DOCK7: variants seen among roughly 807,000 people sequenced by gnomAD.
The protein encoded by DOCK7 is dedicator of cytokinesis 7, also known as dedicator of cytokinesis protein 7.
DOCK7 carries 138 observed loss-of-function variants against 271.0 expected under a neutral mutation model. The observed-to-expected ratio is 0.51, with a 90% CI of 0.44 to 0.59. The LOEUF is 0.59. Ranked by LOEUF, DOCK7 falls within the 20% of genes least tolerant of loss-of-function variation. The pLI is 0.00. For synonymous variants in DOCK7, 823 were observed against 876.1 expected, an observed-to-expected ratio of 0.94 and a Z score of 1.07; for missense variants, 2,066 against 2,592.4, an observed-to-expected ratio of 0.80 and a Z score of 4.41.
rs1418868275 is a variant in DOCK7, at chr1:62,528,320, T to A, written c.3782-15A>T. ...ATTGTGAGTTTCTAAAGAAAAATAATCCAAAAAAATAAATAAAACTGTTTA... is the reference window on the plus strand; with the variant it reads ...ATTGTGAGTTTCTAAAGAAAAATAAACCAAAAAAATAAATAAAACTGTTTA... On this transcript the variant is annotated splice_polypyrimidine_tract_variant and intron_variant, in intron 30 of 49. Coordinates refer to ENST00000635253, the MANE Select transcript of DOCK7 (RefSeq NM_001367561.1). The A allele has an allele frequency of 1.3e-6, 2 of 1,597,312 alleles. No individual in the cohort carries two copies. The highest frequency in any genetic ancestry group is 1.7e-5 in the Admixed American group (1 of 57,914).
chr1:62,662,347 A>C (rs1330069240), intron 2 of DOCK7, among the ~76,000 whole-genome samples: 1 of 152,224 alleles, frequency 6.6e-6, no homozygotes, highest in African/African-American at 2.4e-5. Context: ...TAATAATTCA[A>C]TAAATATAAA....
chr1:62,638,641 AT>A (rs1305145605), intron 7 of DOCK7, among the ~76,000 whole-genome samples: 5 of 147,336 alleles, frequency 3.4e-5, no homozygotes, highest in South Asian at 2.2e-4. Context: ...GAATATATAT[AT>A]TTTTTCATGA....
chr1:62,513,423 G>C (rs1443219910), intron 33 of DOCK7, 21 bp downstream of exon 33: 1 of 1,578,516 alleles, frequency 6.3e-7, no homozygotes, highest in Admixed American at 2.0e-5. Flanking sequence ...TACAACTCAA[G>C]GAAATTGAAG....
intron 14 of DOCK7, among the ~76,000 whole-genome samples, chr1:62,600,561 A>T (rs1649963232): frequency 6.6e-6 from 1 of 151,842 alleles, no homozygotes; most frequent in East Asian, 1.9e-4. Context: ...ACTAACGATA[A>T]ACTACTGAAT....
At chr1:62,561,125 G>A (rs532415111) in intron 19 of DOCK7, among the ~76,000 whole-genome samples, 62 of 152,110 alleles carry the variant, frequency 4.1e-4, no homozygotes, top group Non-Finnish European at 7.2e-4. Flanking sequence ...AACCATGGAA[G>A]GCCTCTCTGA....
chr1:62,528,234 T>C lies in DOCK7; in HGVS notation c.3853A>G (p.Ile1285Val), dbSNP rs1198462552. Residue 1285 changes from isoleucine to valine, a missense_variant, in exon 31 of 50, where the codon ATA becomes GTA. Around this residue, in one of 2 missense-constraint regions of DOCK7, gnomAD observed 1,414 missense variants for 1,670.4 expected, o/e 0.85. Coordinates refer to ENST00000635253, the MANE Select transcript of DOCK7 (RefSeq NM_001367561.1). ...ATTGCCATGGCAACGGTCTGGCTTA[T>C]CATACTTCCGCTCTCACTTTCATAA... ...DDYESESGSM[I>V]SQTVAMAIAG... 1.2e-6 allele frequency: 2 copies of C among 1,613,874 alleles called. No individual in the cohort carries two copies. Among genetic ancestry groups the C allele is most frequent in the Non-Finnish European group, 1.7e-6 (2 of 1,179,868 alleles).
intron 1 of DOCK7, among the ~76,000 whole-genome samples, chr1:62,669,390 A>C (rs1659677099): frequency 6.6e-6 from 1 of 152,222 alleles, no homozygotes; most frequent in Non-Finnish European, 1.5e-5. Flanking sequence ...AGTACAGTGA[A>C]GTATCAAGAA....
chr1:62,556,317 G>C (rs913884017), intron 20 of DOCK7, among the ~76,000 whole-genome samples: 1 of 151,794 alleles, frequency 6.6e-6, no homozygotes, highest in South Asian at 2.1e-4. Flanking sequence ...AAAATACATC[G>C]TGTGTAATAC....
In DOCK7 at chr1:62,597,506, C is replaced by T. The variant is rs12565895; in HGVS notation, c.1683-10882G>A. ...ATTGGTATATATAGAGTTAAGAAGT[C>T]TAGGTCTGCTTCCAGAAGAAAACAG... On this transcript the variant is annotated intron_variant, in intron 14 of 49. Transcript: ENST00000635253. 0.011 allele frequency: 17,652 copies of T among 1,584,750 alleles called. 665 individuals are homozygous for T. Among genetic ancestry groups the T allele is most frequent in the African/African-American group, 0.11 (8,029 of 73,818 alleles).
chr1:62,494,991 T>G (rs1300614003), intron 39 of DOCK7: 1 of 152,422 alleles, frequency 6.6e-6, no homozygotes, highest in African/African-American at 2.4e-5. Context: ...AAATGTGCCC[T>G]TAGAAATATC....
At chr1:62,465,002 C>G (rs1428811693) in intron 48 of DOCK7, among the ~76,000 whole-genome samples, 1 of 152,146 alleles carries the variant, frequency 6.6e-6, no homozygotes, top group African/African-American at 2.4e-5. Context: ...ATATACAAAA[C>G]TTACCCACAT....
intron 31 of DOCK7, among the ~76,000 whole-genome samples, chr1:62,522,084 C>T (rs1205182580): frequency 6.6e-6 from 1 of 151,994 alleles, no homozygotes; most frequent in African/African-American, 2.4e-5. Flanking sequence ...AATTTTAAAA[C>T]TTGAAAAAGA....
intron 7 of DOCK7, chr1:62,638,233 T>C (rs1298318316): frequency 3.3e-5 from 5 of 152,194 alleles, no homozygotes; most frequent in African/African-American, 9.7e-5. Flanking sequence ...AGTATATGTG[T>C]TGGAAATACC....
intron 4 of DOCK7, among the ~76,000 whole-genome samples, chr1:62,652,344 C>T (rs1207022952): frequency 6.6e-6 from 1 of 152,102 alleles, no homozygotes; most frequent in East Asian, 1.9e-4. Context: ...ACCAAAAGTA[C>T]TCCCTTTGGT....
At chr1:62,556,073 T>A in intron 20 of DOCK7, 84 bp from the exon 21 acceptor site, 1 of 1,381,814 alleles carries the variant, frequency 7.2e-7, no homozygotes, top group East Asian at 2.3e-5. Context: ...TTGTCATCTT[T>A]GCATACTTTA....
chr1:62,673,580 T>C (rs955035643), intron 1 of DOCK7, among the ~76,000 whole-genome samples: 3 of 152,172 alleles, frequency 2.0e-5, no homozygotes, highest in Non-Finnish European at 4.4e-5. Flanking sequence ...CTGCAAAAGG[T>C]CAATCCTCCT....
chr1:62,653,853 T>C (rs1571911688), intron 3 of DOCK7, 60 bp from the exon 4 acceptor site: 21 of 1,465,220 alleles, frequency 1.4e-5, no homozygotes, highest in Non-Finnish European at 1.9e-5. Context: ...TGTTCATTAA[T>C]TTGGTTGCTA....
intron 34 of DOCK7, among the ~76,000 whole-genome samples, chr1:62,509,956 C>A (rs1222315098): frequency 1.3e-5 from 2 of 152,148 alleles, no homozygotes; most frequent in African/African-American, 2.4e-5. Flanking sequence ...ATGAGTTGGT[C>A]ACTCCATTCT....
At chr1:62,677,501 T>C (rs1455447238) in intron 1 of DOCK7, among the ~76,000 whole-genome samples, 1 of 152,072 alleles carries the variant, frequency 6.6e-6, no homozygotes, top group African/African-American at 2.4e-5. Flanking sequence ...GAGTCAACAC[T>C]TTGTGTGTGT....
Sources: gnomAD v4.1 joint callset for allele counts (sites outside exome capture counted in the v4.1 genomes callset) on GRCh38, gnomAD v4.1.1 for gene constraint, gnomAD v4.1.1 regional missense constraint, MANE v1.5 for transcripts, NCBI Gene and HGNC (gene_info 2026-07-23, HGNC 2026-07-21) for gene names.